DHX15: variants seen among roughly 807,000 people sequenced by gnomAD.
The protein encoded by DHX15 is DEAH-box helicase 15.
Under a neutral mutation model 94.4 loss-of-function variants are expected in DHX15, and 11 were observed. That is an observed-to-expected ratio of 0.12 (90% CI 0.07 to 0.19). DHX15 has a LOEUF of 0.19. DHX15 is among the 10% of genes least tolerant of loss of function. DHX15 has a pLI of 1.00. For missense variants in DHX15, 304 were observed against 988.5 expected (o/e 0.31, Z 9.29); for synonymous variants, 338 against 329.9 (o/e 1.02, Z -0.27).
At chr4:24,562,554 T>C (rs1721903606) in intron 3 of DHX15, among the ~76,000 whole-genome samples, 1 of 152,210 alleles carries the variant, frequency 6.6e-6, no homozygotes, top group African/African-American at 2.4e-5. Flanking sequence ...AATGTACATA[T>C]ATAAAGTCCT....
intron 3 of DHX15, among the ~76,000 whole-genome samples, chr4:24,567,126 AAAGG>A (rs1016028041): frequency 1.9e-4 from 29 of 152,354 alleles, no homozygotes; most frequent in African/African-American, 6.7e-4. Flanking sequence ...GAAAAAATAA[AAAGG>A]AAGCATATCA....
In DHX15 at chr4:24,537,308, G is replaced by C; in HGVS notation, c.1787-135C>G. On this transcript the variant is annotated intron_variant, in intron 10 of 13. Transcript: ENST00000336812. This position sits in a 1 kb window ranked among gnomAD's most constrained non-coding sequence, Gnocchi z 4.7. ...GCAGGATGGCCTCCAACTGCATCTTGGATTGTTTACTACCTTGATTTGGTA... is the reference window on the plus strand; with the variant it reads ...GCAGGATGGCCTCCAACTGCATCTTCGATTGTTTACTACCTTGATTTGGTA... 8.6e-7 allele frequency: 1 copy of C among 1,165,222 alleles called. No individual in the cohort carries two copies. The highest frequency in any genetic ancestry group is 1.2e-6 in the Non-Finnish European group (1 of 843,740). 72.2% of individuals were successfully genotyped at this position (1,165,222 alleles called of 1,614,324 possible).
chr4:24,576,619 C>T lies in DHX15; in HGVS notation c.131G>A (p.Arg44His), dbSNP rs145564625. Residue 44 changes from arginine to histidine, a missense_variant, in exon 2 of 14, where the codon CGT becomes CAT. By Grantham distance (29) the Arg-to-His change is conservative. Coordinates refer to ENST00000336812, the MANE Select transcript of DHX15 (RefSeq NM_001358.3). ...EDRSKDRDRE[R>H]DRGDRERERE... ...CTCTCGCTCTCTATCTCCTCTATCACGTTCTCGGTCTCGATCTTTAGACCG... is the reference window on the plus strand; with the variant it reads ...CTCTCGCTCTCTATCTCCTCTATCATGTTCTCGGTCTCGATCTTTAGACCG... 1.6e-5 allele frequency: 26 copies of T among 1,613,832 alleles called. No individual in the cohort carries two copies. The highest frequency in any genetic ancestry group is 2.1e-5 in the Non-Finnish European group (25 of 1,179,870).
At chr4:24,531,214 G>A (rs956790701) in intron 12 of DHX15, among the ~76,000 whole-genome samples, 3 of 151,276 alleles carry the variant, frequency 2.0e-5, no homozygotes, top group Non-Finnish European at 1.5e-5. Context: ...TCAGCCTCCC[G>A]AGTAGCTGGG....
At position 24,555,554 on chromosome 4, in the gene DHX15, G is replaced by C. The variant is rs544865479; in HGVS notation, c.862-611C>G. ...ACCCAGAATCTTTCTTGCCAGTGTT[G>C]AACCCTTGTTTGTTTGTTTGTTTCT... is the stretch of plus-strand genomic sequence containing the variant. On this transcript the variant is annotated intron_variant, in intron 4 of 13. Coordinates refer to ENST00000336812, the MANE Select transcript of DHX15 (RefSeq NM_001358.3). Among the ~76,000 whole-genome samples, 319 of 152,010 alleles carry C rather than the reference G, an allele frequency of 2.1e-3. 3 individuals carry two copies. Among genetic ancestry groups the C allele is most frequent in the African/African-American group, 7.5e-3 (309 of 41,452 alleles).
At chr4:24,560,378 AAAC>A (rs1328674403) in intron 3 of DHX15, among the ~76,000 whole-genome samples, 7 of 152,144 alleles carry the variant, frequency 4.6e-5, no homozygotes, top group African/African-American at 1.7e-4. Context: ...TAAATGTTTA[AAAC>A]AAAAACAAAA....
intron 5 of DHX15, among the ~76,000 whole-genome samples, chr4:24,550,952 A>C (rs1721589341): frequency 6.6e-6 from 1 of 152,218 alleles, no homozygotes; most frequent in African/African-American, 2.4e-5. Flanking sequence ...GTGATGCTGC[A>C]AGGTTACGTT....
At chr4:24,573,350 T>C (rs1722168285) in intron 2 of DHX15, among the ~76,000 whole-genome samples, 1 of 152,238 alleles carries the variant, frequency 6.6e-6, no homozygotes, top group Non-Finnish European at 1.5e-5. Context: ...TTCTAACTTC[T>C]AATACTACCT....
intron 8 of DHX15, among the ~76,000 whole-genome samples, chr4:24,541,328 C>G (rs532804160): frequency 6.6e-6 from 1 of 152,096 alleles, no homozygotes; most frequent in Non-Finnish European, 1.5e-5. Flanking sequence ...ATACACTATA[C>G]ACCCATTTGT....
chr4:24,570,337 ACTTTC>A (rs1312850683), intron 3 of DHX15, among the ~76,000 whole-genome samples: 1 of 152,148 alleles, frequency 6.6e-6, no homozygotes, highest in Non-Finnish European at 1.5e-5. Context: ...AAGACATATC[ACTTTC>A]CTTTTCTTTC....
chr4:24,545,923 T>C (rs1560764749), intron 6 of DHX15, among the ~76,000 whole-genome samples: 1 of 152,184 alleles, frequency 6.6e-6, no homozygotes, highest in Non-Finnish European at 1.5e-5. Context: ...GGTGAAAAGC[T>C]TGGCATCACT....
At chr4:24,568,879 G>C (rs944892628) in intron 3 of DHX15, among the ~76,000 whole-genome samples, 3 of 152,122 alleles carry the variant, frequency 2.0e-5, no homozygotes, top group African/African-American at 7.2e-5. Context: ...GATCAATAAC[G>C]TATCACTGAA....
intron 11 of DHX15, chr4:24,533,613 C>G (rs1463829653): frequency 6.4e-6 from 1 of 156,718 alleles, no homozygotes; most frequent in Non-Finnish European, 1.4e-5. Context: ...GTTTAATAAA[C>G]AAGACCTAAG....
Position 24,576,460 on chromosome 4 carries a change from G to A in DHX15, c.290C>T (p.Ser97Phe). ...HSAHSTHSTHSAHSTHAGHAG... is the reference protein window; with the variant it reads ...HSAHSTHSTHFAHSTHAGHAG... ...ATGTCCGGCATGCGTTGAATGAGCA[G>A]AATGTGTTGAATGCGTTGAATGTGC... is the stretch of plus-strand genomic sequence containing the variant. The change falls in exon 2 of 14, where the codon TCT becomes TTT. Residue 97 changes from serine (S) to phenylalanine (F), a missense_variant. This residue lies in a region of DHX15 where 143 missense variants were observed against 200.5 expected (regional missense o/e 0.71). Transcript: ENST00000336812. The A allele has an allele frequency of 3.7e-6, 6 of 1,614,214 alleles. No individual in the cohort carries two copies. The highest frequency in any genetic ancestry group is 5.1e-6 in the Non-Finnish European group (6 of 1,180,032).
At chr4:24,531,022 C>T (rs936482659) in intron 12 of DHX15, 2 of 152,156 alleles carry the variant, frequency 1.3e-5, no homozygotes, top group Non-Finnish European at 2.9e-5. Context: ...CTCTGTGGTG[C>T]CTAGCTGTTT....
At chr4:24,565,247 T>C (rs1046393198) in intron 3 of DHX15, among the ~76,000 whole-genome samples, 2 of 152,198 alleles carry the variant, frequency 1.3e-5, no homozygotes, top group African/African-American at 4.8e-5. Context: ...AAAGGTCAAA[T>C]TTAACAAAAC....
In DHX15 at chr4:24,537,352, T is replaced by A; in HGVS notation, c.1787-179A>T. On this transcript the variant is annotated intron_variant, in intron 10 of 13. Transcript: ENST00000336812. The surrounding 1 kb of genome is among the most constrained non-coding windows in gnomAD (Gnocchi z 4.7). ...TTTGGTACATCAACACCTAACCACATCTGTAAGACAAGAGGGTTTCAAAGC... is the reference window on the plus strand; with the variant it reads ...TTTGGTACATCAACACCTAACCACAACTGTAAGACAAGAGGGTTTCAAAGC... The A allele has an allele frequency of 1.4e-5, 9 of 633,226 alleles. No homozygotes were observed. Among genetic ancestry groups the A allele is most frequent in the Non-Finnish European group, 1.8e-5 (7 of 396,432 alleles). 39.2% of individuals were successfully genotyped at this position (633,226 alleles called of 1,614,324 possible).
At chr4:24,571,452 C>T (rs1434343383) in intron 2 of DHX15, among the ~76,000 whole-genome samples, 1 of 152,180 alleles carries the variant, frequency 6.6e-6, no homozygotes, top group Non-Finnish European at 1.5e-5. Context: ...AGCACCACTT[C>T]GTTAAGGGCA....
intron 1 of DHX15, among the ~76,000 whole-genome samples, chr4:24,576,975 C>A (rs1722282263): frequency 6.6e-6 from 1 of 152,124 alleles, no homozygotes; most frequent in South Asian, 2.1e-4. Context: ...CAACAGAAAT[C>A]AGATACTGAG....
Sources: gnomAD v4.1 joint callset for allele counts (sites outside exome capture counted in the v4.1 genomes callset) on GRCh38, gnomAD v4.1.1 for gene constraint, gnomAD v4.1.1 regional missense constraint, Gnocchi (gnomAD v3.1) non-coding constraint, MANE v1.5 for transcripts, NCBI Gene and HGNC (gene_info 2026-07-23, HGNC 2026-07-21) for gene names.